The following UBR1 variants were observed in gnomAD, a reference collection of about 807,000 sequenced individuals.
UBR1 encodes E3 ubiquitin-protein ligase UBR1.
Under a neutral mutation model 242.1 loss-of-function variants are expected in UBR1, and 102 were observed. The observed-to-expected ratio is 0.42, with a 90% confidence interval of 0.36 to 0.50. The LOEUF is 0.50. UBR1 is among the 20% of genes least tolerant of loss of function. The pLI, the probability that UBR1 is intolerant of heterozygous loss-of-function variation, is 0.01. For missense variants in UBR1, 1,772 were observed against 2,101.8 expected, an observed-to-expected ratio of 0.84 and a Z score of 3.07; for synonymous variants, 675 against 684.8, an observed-to-expected ratio of 0.99 and a Z score of 0.22.
At chr15:43,068,102 A>AG in intron 5 of UBR1, 66 bp from the exon 6 acceptor site, 1 of 1,233,632 alleles carries the variant, frequency 8.1e-7, no homozygotes, top group South Asian at 1.4e-5. Context: ...AAAAAAAAAA[A>AG]AAAAAGACAA....
Position 42,977,919 on chromosome 15 carries a change from A to G in UBR1, c.4179T>C (p.Asp1393=). Residue 1393 remains aspartate (D), a synonymous_variant, in exon 38 of 47, where the codon GAT becomes GAC. Transcript: ENST00000290650. ...SVVLPNIKSE[D]TPCLLSIDLF... The stretch of plus-strand genomic sequence containing the variant: ...GATCTATAGACAGAAGGCATGGTGT[A>G]TCTTCTGATTTTATGTTAGGAAGAA... 6.2e-7 allele frequency: 1 copy of G among 1,613,416 alleles called. No homozygotes were observed. Among genetic ancestry groups the G allele is most frequent in the South Asian group, 1.1e-5 (1 of 91,066 alleles).
intron 30 of UBR1, among the ~76,000 whole-genome samples, chr15:43,006,258 AG>A (rs1281697621): frequency 6.6e-6 from 1 of 152,192 alleles, no homozygotes; most frequent in Non-Finnish European, 1.5e-5. Flanking sequence ...ACTAACTCAT[AG>A]GGCTGTTGTG....
chr15:43,004,474 C>T (rs1156260320), intron 30 of UBR1, among the ~76,000 whole-genome samples: 2 of 152,172 alleles, frequency 1.3e-5, no homozygotes, highest in Admixed American at 6.5e-5. Flanking sequence ...ACTGCAACCT[C>T]CCTGCCTGAT....
intron 29 of UBR1, among the ~76,000 whole-genome samples, chr15:43,008,922 G>A (rs2032874952): frequency 6.6e-6 from 1 of 152,162 alleles, no homozygotes; most frequent in East Asian, 1.9e-4. Context: ...CCTGCAGAAA[G>A]AGCTACCCAC....
intron 44 of UBR1, among the ~76,000 whole-genome samples, chr15:42,954,401 A>C (rs1385223597): frequency 1.3e-5 from 2 of 152,154 alleles, no homozygotes; most frequent in African/African-American, 4.8e-5. Context: ...TCAATTTTAT[A>C]CTGTAACAGT....
chr15:43,062,809 A>G (rs2033704740), intron 6 of UBR1, among the ~76,000 whole-genome samples: 1 of 152,106 alleles, frequency 6.6e-6, no homozygotes, highest in Admixed American at 6.6e-5. Context: ...GAAGGGAGGC[A>G]GTGTTTTTAA....
intron 3 of UBR1, among the ~76,000 whole-genome samples, chr15:43,080,273 T>C (rs2033960934): frequency 6.6e-6 from 1 of 152,140 alleles, no homozygotes; most frequent in Non-Finnish European, 1.5e-5. Context: ...AAACTAACCA[T>C]CTAAAAATAT....
chr15:43,002,807 G>GCC (rs1292648281), intron 31 of UBR1, 103 bp from the exon 32 acceptor site: 1 of 1,471,714 alleles, frequency 6.8e-7, no homozygotes. Flanking sequence ...TGGAATTTTT[G>GCC]CCCCAATAAA....
At chr15:43,005,423 G>T (rs1438110183) in intron 30 of UBR1, among the ~76,000 whole-genome samples, 8 of 151,322 alleles carry the variant, frequency 5.3e-5, no homozygotes, top group Non-Finnish European at 1.2e-4. Flanking sequence ...GGAGGGAGGT[G>T]GGGGGCAGCC....
At chr15:42,990,430 A>G (rs1053393227) in intron 33 of UBR1, among the ~76,000 whole-genome samples, 1 of 152,150 alleles carries the variant, frequency 6.6e-6, no homozygotes, top group African/African-American at 2.4e-5. Flanking sequence ...ACCTTGGCCT[A>G]CCAAAGTGCT....
intron 16 of UBR1, 24 bp from the exon 17 acceptor site, chr15:43,037,907 T>C (rs1019020122): frequency 4.4e-6 from 7 of 1,593,970 alleles, no homozygotes; most frequent in Non-Finnish European, 6.0e-6. Flanking sequence ...AGTTCAATTT[T>C]ATCATTTCTC....
intron 23 of UBR1, 57 bp from the exon 24 acceptor site, chr15:43,025,486 A>G: frequency 1.5e-6 from 2 of 1,355,024 alleles, no homozygotes; most frequent in Non-Finnish European, 2.1e-6. Flanking sequence ...CAAATGAAAT[A>G]CATTAAAGCA....
At chr15:42,974,813 C>T (rs1019884291) in intron 39 of UBR1, among the ~76,000 whole-genome samples, 1 of 152,088 alleles carries the variant, frequency 6.6e-6, no homozygotes, top group Admixed American at 6.5e-5. Flanking sequence ...TCTCACTATG[C>T]TGCCCAGGCT....
chr15:43,015,627 A>C (rs1361799271), intron 29 of UBR1, 61 bp downstream of exon 29: 1 of 1,566,466 alleles, frequency 6.4e-7, no homozygotes, highest in Non-Finnish European at 8.7e-7. Context: ...AGAAACACCC[A>C]AGAATGATCA....
chr15:43,016,883 C>T (rs2033032681), intron 28 of UBR1, among the ~76,000 whole-genome samples: 1 of 152,234 alleles, frequency 6.6e-6, no homozygotes, highest in Non-Finnish European at 1.5e-5. Flanking sequence ...TCAATTTCTC[C>T]TGTTTTTGCA....
At chr15:43,105,835 ACT>A in intron 1 of UBR1, 105 bp downstream of exon 1, 1 of 1,082,186 alleles carries the variant, frequency 9.2e-7, no homozygotes. Context: ...AATCCAGATA[ACT>A]CCCCCTCCCC....
In UBR1 at chr15:43,006,106, GA is replaced by G. The variant is rs1235960946; in HGVS notation, c.3415+972del. On this transcript the variant is annotated intron_variant, in intron 30 of 46. Coordinates refer to ENST00000290650, the MANE Select transcript of UBR1 (RefSeq NM_174916.3). ...CAATAAATACTAAAAAAAAAAAAAAGAAAAAAAAAAAAAGAAAAGAAAAGCA... is the reference window on the plus strand; with the variant it reads ...CAATAAATACTAAAAAAAAAAAAAAGAAAAAAAAAAAAGAAAAGAAAAGCA... 8.8e-3 allele frequency among the ~76,000 whole-genome samples: 986 copies of G among 111,438 alleles called. 5 individuals carry two copies. Among genetic ancestry groups the G allele is most frequent in the African/African-American group, 0.016 (467 of 28,782 alleles). The allele number at this position is 111,438 out of a possible 152,430, so 73.1% of individuals were successfully genotyped here.
intron 22 of UBR1, 93 bp downstream of exon 22, chr15:43,027,683 A>G (rs1374648627): frequency 3.4e-6 from 4 of 1,165,914 alleles, no homozygotes; most frequent in Non-Finnish European, 5.1e-6. Context: ...TTGGGAGTTC[A>G]GGCAAGAACT....
chr15:42,951,799 T>C (rs1226200293), intron 45 of UBR1, among the ~76,000 whole-genome samples: 4 of 151,794 alleles, frequency 2.6e-5, no homozygotes, highest in African/African-American at 9.7e-5. Flanking sequence ...TTTATAGAGA[T>C]GGGGGTCTCG....
Sources: gnomAD v4.1 joint callset for allele counts (sites outside exome capture counted in the v4.1 genomes callset) on GRCh38, gnomAD v4.1.1 for gene constraint, MANE v1.5 for transcripts, NCBI Gene and HGNC (gene_info 2026-07-23, HGNC 2026-07-21) for gene names.